The following PITPNC1 variants were observed in gnomAD, a reference collection of about 807,000 sequenced individuals.
PITPNC1 encodes cytoplasmic phosphatidylinositol transfer protein 1.
A neutral mutation model predicts 44.7 loss-of-function variants in PITPNC1; 18 were observed. The observed-to-expected ratio is 0.40, with a 90% confidence interval of 0.28 to 0.60. The LOEUF (loss-of-function observed/expected upper bound fraction) is 0.60, where lower values mean the gene tolerates loss of function less well. PITPNC1 is among the 20% of genes least tolerant of loss of function. The pLI is 0.39. For synonymous variants in PITPNC1, 141 were observed against 149.6 expected (o/e 0.94, Z 0.42); for missense variants, 290 against 418.4 (o/e 0.69, Z 2.68).
chr17:67,502,430 C>T (rs981348098), intron 1 of PITPNC1, among the ~76,000 whole-genome samples: 1 of 152,056 alleles, frequency 6.6e-6, no homozygotes, highest in Admixed American at 6.6e-5. Flanking sequence ...ATGCAATCTA[C>T]TTAAGGAGAT....
At position 67,597,280 on chromosome 17, in the gene PITPNC1, A is replaced by G. The variant is rs907955777; in HGVS notation, c.366+19023A>G. ...ATCAATTATCTTCCTCAGGCTGAGC[A>G]TGGTGGCTCACGCCTGTAATCCCCG... On this transcript the variant is annotated intron_variant, in intron 5 of 8. Transcript: ENST00000581322. The surrounding 1 kb of genome is among the most constrained non-coding windows in gnomAD (Gnocchi z 4.0). Among the ~76,000 whole-genome samples, 3 of 152,094 alleles carry G rather than the reference A, an allele frequency of 2.0e-5. No individual in the cohort carries two copies. The highest frequency in any genetic ancestry group is 7.2e-5 in the African/African-American group (3 of 41,422).
chr17:67,545,348 C>T lies in PITPNC1; in HGVS notation c.198-6909C>T, dbSNP rs564573839. Among the ~76,000 whole-genome samples the T allele has an allele frequency of 3.0e-4, 46 of 151,830 alleles. No homozygotes were observed. The South Asian group carries it at 7.5e-3, about 25-fold the overall frequency. On this transcript the variant is annotated intron_variant, in intron 2 of 8. Transcript: ENST00000581322. ...TCTCCCAGCACTTTGGGAGGCCAAG[C>T]AGGCAGATCACTTGAGGTCAGGCGT...
intron 1 of PITPNC1, among the ~76,000 whole-genome samples, chr17:67,438,083 G>GAAAAA (rs564508949): frequency 6.7e-6 from 1 of 149,076 alleles, no homozygotes; most frequent in Non-Finnish European, 1.5e-5. Context: ...AAGAAAAAAA[G>GAAAAA]AAAAAAAAAG....
intron 6 of PITPNC1, among the ~76,000 whole-genome samples, chr17:67,661,621 A>C (rs1275356738): frequency 6.6e-6 from 1 of 152,172 alleles, no homozygotes; most frequent in African/African-American, 2.4e-5. Flanking sequence ...CAGGGCAAAG[A>C]AATGTGGTCA....
intron 2 of PITPNC1, among the ~76,000 whole-genome samples, chr17:67,535,097 AG>A (rs2040510493): frequency 6.6e-6 from 1 of 152,370 alleles, no homozygotes; most frequent in South Asian, 2.1e-4. Flanking sequence ...ATGCAGTACC[AG>A]GGAATTCCTG....
chr17:67,494,848 C>T (rs745736779), intron 1 of PITPNC1, among the ~76,000 whole-genome samples: 55 of 151,714 alleles, frequency 3.6e-4, no homozygotes, highest in Non-Finnish European at 6.3e-4. Flanking sequence ...GCTGCATGCC[C>T]GTGGTCCCAG....
intron 8 of PITPNC1, among the ~76,000 whole-genome samples, chr17:67,688,355 A>AAAAAAAAAAAAAAAAAAACAG (rs2042860266): frequency 6.7e-6 from 1 of 150,286 alleles, no homozygotes; most frequent in African/African-American, 2.5e-5. Context: ...AAAAAAATCA[A>AAAAAAAAAAAAAAAAAAACAG]TGCTGTAGTT....
rs182423134 is a variant in PITPNC1 at position 67,670,657 on chromosome 17, G to C, written c.618+994G>C. ...CCCAGCTACTCAGGAGGCTGAGGCA[G>C]GGAGAATTGCTTGAACCCAGGAGGC... On this transcript the variant is annotated intron_variant, in intron 7 of 8. Transcript: ENST00000581322. 5.6e-3 allele frequency among the ~76,000 whole-genome samples: 839 copies of C among 150,588 alleles called. 8 individuals carry two copies. Among genetic ancestry groups the C allele is most frequent in the African/African-American group, 0.02 (806 of 40,912 alleles).
chr17:67,646,298 C>T (rs1423816650), intron 6 of PITPNC1, among the ~76,000 whole-genome samples: 1 of 152,184 alleles, frequency 6.6e-6, no homozygotes, highest in African/African-American at 2.4e-5. Flanking sequence ...CGATTGTCTG[C>T]TCCACATCTA....
At chr17:67,579,006 A>C (rs2041189494) in intron 5 of PITPNC1, among the ~76,000 whole-genome samples, 1 of 152,208 alleles carries the variant, frequency 6.6e-6, no homozygotes, top group Non-Finnish European at 1.5e-5. Context: ...AGAGAAAAGG[A>C]AATAGAATCA....
intron 1 of PITPNC1, among the ~76,000 whole-genome samples, chr17:67,386,672 C>A (rs1014900083): frequency 6.6e-6 from 1 of 152,134 alleles, no homozygotes; most frequent in Non-Finnish European, 1.5e-5. Context: ...TGGAAAAGTA[C>A]ATCTAGGTTC....
At chr17:67,449,424 T>C (rs146480047) in intron 1 of PITPNC1, among the ~76,000 whole-genome samples, 6 of 152,348 alleles carry the variant, frequency 3.9e-5, no homozygotes, top group African/African-American at 1.4e-4. Flanking sequence ...ATCACCTATT[T>C]TGAAGCCTTG....
chr17:67,507,942 A>T (rs2040129087), intron 1 of PITPNC1, among the ~76,000 whole-genome samples: 1 of 152,052 alleles, frequency 6.6e-6, no homozygotes, highest in African/African-American at 2.4e-5. Flanking sequence ...TGCAACCTGG[A>T]TCGCTTTCCT....
At chr17:67,491,083 G>A (rs1294684180) in intron 1 of PITPNC1, among the ~76,000 whole-genome samples, 1 of 152,196 alleles carries the variant, frequency 6.6e-6, no homozygotes, top group Non-Finnish European at 1.5e-5. Flanking sequence ...TACTTCCATG[G>A]TGACTTCTTC....
At chr17:67,632,857 C>T (rs1023724178) in intron 6 of PITPNC1, among the ~76,000 whole-genome samples, 1 of 152,152 alleles carries the variant, frequency 6.6e-6, no homozygotes, top group African/African-American at 2.4e-5. Flanking sequence ...CATGAGCCAC[C>T]TGTGTTTTAT....
chr17:67,428,631 T>C (rs1446626878), intron 1 of PITPNC1, among the ~76,000 whole-genome samples: 1 of 152,020 alleles, frequency 6.6e-6, no homozygotes, highest in Admixed American at 6.6e-5. Flanking sequence ...TTTTAAACAT[T>C]CTTCTTGATA....
At chr17:67,476,481 C>T (rs984987210) in intron 1 of PITPNC1, among the ~76,000 whole-genome samples, 5 of 151,970 alleles carry the variant, frequency 3.3e-5, no homozygotes, top group East Asian at 1.9e-4. Flanking sequence ...CCACCACGCC[C>T]GGCCTAGAGA....
rs555803254 is a variant in PITPNC1 at position 67,546,058 on chromosome 17, T to G, written c.198-6199T>G. On this transcript the variant is annotated intron_variant, in intron 2 of 8. Transcript: ENST00000581322. ...AATACAAAAAATTAACCGGGAGTGG[T>G]GTCCCGCGCCTGTAGTCCCAGCTAC... 3.1e-3 allele frequency among the ~76,000 whole-genome samples: 464 copies of G among 151,672 alleles called. 4 individuals carry two copies. Among genetic ancestry groups the G allele is most frequent in the African/African-American group, 0.011 (445 of 41,292 alleles).
intron 5 of PITPNC1, among the ~76,000 whole-genome samples, chr17:67,622,256 C>CAAAAA (rs536282843): frequency 8.8e-4 from 81 of 91,724 alleles, no homozygotes; most frequent in African/African-American, 2.5e-3. Context: ...GACTGCATCT[C>CAAAAA]AAAAAAAAAA....
Sources: gnomAD v4.1 joint callset for allele counts (sites outside exome capture counted in the v4.1 genomes callset) on GRCh38, gnomAD v4.1.1 for gene constraint, Gnocchi (gnomAD v3.1) non-coding constraint, MANE v1.5 for transcripts, NCBI Gene and HGNC (gene_info 2026-07-23, HGNC 2026-07-21) for gene names.